The following PADI3 variants were observed in gnomAD, a reference collection of about 807,000 sequenced individuals.
PADI3 encodes the protein peptidyl arginine deiminase 3, also known as protein-arginine deiminase type-3.
A neutral mutation model predicts 71.5 loss-of-function variants in PADI3; 53 were observed. That is an observed-to-expected ratio of 0.74 (90% CI 0.59 to 0.93). The LOEUF (loss-of-function observed/expected upper bound fraction) is 0.93, where lower values mean the gene tolerates loss of function less well. Among genes scored for constraint, PADI3 ranks in the 40% least tolerant of loss-of-function variants. The pLI is 0.00. For missense variants in PADI3, 821 were observed against 868.0 expected (o/e 0.95, Z 0.68); for synonymous variants, 361 against 347.5 (o/e 1.04, Z -0.43).
chr1:17,271,836 C>CAAAAAAA lies in PADI3; in HGVS notation c.1047+671_1047+677dup, dbSNP rs71571852. ...TGCACTCCAGCCTCAGCAACAACAA[C>CAAAAAAA]AAAAAAAAAAAAAAAAAAAGAGAGA... is the stretch of plus-strand genomic sequence containing the variant. On this transcript the variant is annotated intron_variant, in intron 9 of 15. Coordinates refer to ENST00000375460, the MANE Select transcript of PADI3 (RefSeq NM_016233.2). Among the ~76,000 whole-genome samples, 580 of 79,324 alleles carry CAAAAAAA rather than the reference C, an allele frequency of 7.3e-3. 3 individuals are homozygous for CAAAAAAA. The highest frequency in any genetic ancestry group is 8.5e-3 in the African/African-American group (158 of 18,698). The allele number at this position is 79,324 out of a possible 152,430, so 52.0% of individuals were successfully genotyped here.
At chr1:17,269,896 G>A (rs1023581767) in intron 6 of PADI3, among the ~76,000 whole-genome samples, 2 of 152,168 alleles carry the variant, frequency 1.3e-5, no homozygotes, top group Non-Finnish European at 2.9e-5. Flanking sequence ...TGTGATTACA[G>A]ACATGAGCCA....
chr1:17,283,045 C>T lies in PADI3; in HGVS notation c.1961C>T (p.Pro654Leu), dbSNP rs2073420448. The change falls in exon 16 of 16, where the codon CCC becomes CTC. Residue 654 changes from proline (P) to leucine (L), a missense_variant. Physicochemically the swap from Pro to Leu is moderately conservative, Grantham distance 98. Coordinates refer to ENST00000375460, the MANE Select transcript of PADI3 (RefSeq NM_016233.2). ...TGTGGCACCAATGTGTGCAGAAAGC[C>T]CTTCTCTTTCAAGTGGTGGAACATG... ...VHCGTNVCRK[P>L]FSFKWWNMVP 6.2e-7 allele frequency: 1 copy of T among 1,614,184 alleles called. No individual in the cohort carries two copies. Among genetic ancestry groups the T allele is most frequent in the Non-Finnish European group, 8.5e-7 (1 of 1,180,008 alleles).
Position 17,266,665 on chromosome 1 carries a change from G to A in PADI3, c.409-54G>A, listed in dbSNP as rs1432153159. 8.2e-6 allele frequency: 12 copies of A among 1,469,796 alleles called. No individual in the cohort carries two copies. The East Asian group carries it at 1.6e-4, about 19-fold the overall frequency. The allele number at this position is 1,469,796 out of a possible 1,614,324, so 91.0% of individuals were successfully genotyped here. ...GGCCAGGCTCGGGTTCCTGGGTAGG[G>A]AGGCACAGGTCTCATCTGAGCCCTC... On this transcript the variant is annotated intron_variant, in intron 4 of 15. Coordinates refer to ENST00000375460, the MANE Select transcript of PADI3 (RefSeq NM_016233.2).
rs146837101 is a variant in PADI3, at chr1:17,278,828, T to G, written c.1556-1522T>G. 3.3e-3 allele frequency among the ~76,000 whole-genome samples: 508 copies of G among 152,242 alleles called. 3 individuals are homozygous for G. The highest frequency in any genetic ancestry group is 0.012 in the African/African-American group (486 of 41,536). The stretch of plus-strand genomic sequence containing the variant: ...AGCTCAGAGAGAAAAAAAGCTCCTG[T>G]AGAACTTAGACGCCCCCAAGTATAA... On this transcript the variant is annotated intron_variant, in intron 13 of 15. Coordinates refer to ENST00000375460, the MANE Select transcript of PADI3 (RefSeq NM_016233.2).
intron 5 of PADI3, among the ~76,000 whole-genome samples, chr1:17,267,486 G>A (rs2073185756): frequency 6.6e-6 from 1 of 152,078 alleles, no homozygotes; most frequent in African/African-American, 2.4e-5. Context: ...CAGAAGGGAG[G>A]GGCTTGTCCA....
intron 13 of PADI3, among the ~76,000 whole-genome samples, chr1:17,277,230 T>C (rs1459516544): frequency 6.6e-6 from 1 of 152,052 alleles, no homozygotes; most frequent in African/African-American, 2.4e-5. Context: ...GTTTCACTCT[T>C]GTTGCCCAGG....
intron 7 of PADI3, 85 bp from the exon 8 acceptor site, chr1:17,270,794 A>G (rs759993888): frequency 1.0e-4 from 100 of 978,574 alleles, no homozygotes; most frequent in Non-Finnish European, 1.5e-4. Context: ...GGGTTTTCTT[A>G]TGGACCACAG....
intron 3 of PADI3, among the ~76,000 whole-genome samples, chr1:17,265,274 G>T (rs552980970): frequency 6.6e-6 from 1 of 152,212 alleles, no homozygotes; most frequent in Admixed American, 6.5e-5. Flanking sequence ...CTGGGTTTGT[G>T]TTCACATCTG....
intron 6 of PADI3, among the ~76,000 whole-genome samples, chr1:17,268,498 CTTTTT>C (rs564947321): frequency 7.4e-4 from 66 of 89,376 alleles, no homozygotes; most frequent in East Asian, 5.1e-3. Flanking sequence ...TAATAAGATG[CTTTTT>C]TTTTTTTTTT....
chr1:17,279,952 C>T (rs1204092714), intron 13 of PADI3, among the ~76,000 whole-genome samples: 1 of 152,194 alleles, frequency 6.6e-6, no homozygotes, highest in Non-Finnish European at 1.5e-5. Flanking sequence ...TGGTTCGCTG[C>T]TCAGTGAACC....
chr1:17,269,864 C>T (rs558190696), intron 6 of PADI3, among the ~76,000 whole-genome samples: 25 of 152,118 alleles, frequency 1.6e-4, no homozygotes, highest in Non-Finnish European at 3.4e-4. Context: ...GGTGATCCAC[C>T]GCCTTCGGTC....
chr1:17,278,720 C>T (rs1348534569), intron 13 of PADI3, among the ~76,000 whole-genome samples: 1 of 151,960 alleles, frequency 6.6e-6, no homozygotes, highest in East Asian at 1.9e-4. Context: ...GGTCCCAGGG[C>T]AAAGACCCTT....
At chr1:17,256,014 A>G (rs1170439700) in intron 1 of PADI3, among the ~76,000 whole-genome samples, 3 of 152,104 alleles carry the variant, frequency 2.0e-5, no homozygotes, top group Non-Finnish European at 2.9e-5. Context: ...GATGAAATGA[A>G]AACAAGCTCA....
rs760682098 is a variant in PADI3 at position 17,270,962 on chromosome 1, C to T, written c.915C>T (p.Pro305=). ...TCATGACGCCCAGCACTCTGCCACC[C>T]CTAGAGGTGTATGTGTGCCGGTGAG... ...PWIMTPSTLP[P]LEVYVCRVRN... Residue 305 remains proline, a synonymous_variant, in exon 8 of 16, where the codon CCC becomes CCT. Coordinates refer to ENST00000375460, the MANE Select transcript of PADI3 (RefSeq NM_016233.2). 2 of 1,614,092 alleles carry T rather than the reference C, an allele frequency of 1.2e-6. No homozygotes were observed. Among genetic ancestry groups the T allele is most frequent in the Non-Finnish European group, 1.7e-6 (2 of 1,179,984 alleles).
At chr1:17,255,689 A>T (rs982236871) in intron 1 of PADI3, among the ~76,000 whole-genome samples, 1 of 152,222 alleles carries the variant, frequency 6.6e-6, no homozygotes, top group Non-Finnish European at 1.5e-5. Flanking sequence ...GGAAGTCAGC[A>T]GCCCTACCTT....
rs1178191985 is a variant in PADI3, at chr1:17,276,546, G to C, written c.1335G>C (p.Val445=). ...PGSSGRRVTQ[V]VRDFLHAQKV... is the part of the protein sequence containing the mutation. ...CAAGTGGCCGCAGGGTCACCCAGGT[G>C]GTGCGGGACTTCCTCCATGCCCAGA... The change falls in exon 12 of 16, where the codon GTG becomes GTC. Residue 445 remains valine, a synonymous_variant. Transcript: ENST00000375460. 4 of 1,614,146 alleles carry C rather than the reference G, an allele frequency of 2.5e-6. No homozygotes were observed. The South Asian group carries it at 4.4e-5, about 18-fold the overall frequency.
At chr1:17,265,568 C>CT in intron 3 of PADI3, 91 bp from the exon 4 acceptor site, 1 of 1,153,722 alleles carries the variant, frequency 8.7e-7, no homozygotes, top group South Asian at 1.2e-5. Context: ...AATGACTTGC[C>CT]TTTGCTCAGC....
At position 17,270,418 on chromosome 1, in the gene PADI3, A is replaced by T; in HGVS notation, c.831+7A>T. Reference sequence around the variant, plus strand: ...GCTGGACGACTCCAACGAGGTAGGGACAGAGGGGGTTCAAGAGGAGCTCCA... The same window carrying T: ...GCTGGACGACTCCAACGAGGTAGGGTCAGAGGGGGTTCAAGAGGAGCTCCA... On this transcript the variant is annotated splice_region_variant and intron_variant, in intron 7 of 15. Transcript: ENST00000375460. The T allele has an allele frequency of 6.2e-7, 1 of 1,609,232 alleles. No individual in the cohort carries two copies. Among genetic ancestry groups the T allele is most frequent in the African/African-American group, 1.3e-5 (1 of 74,590 alleles).
chr1:17,261,206 G>T (rs2073099068), intron 2 of PADI3, among the ~76,000 whole-genome samples: 1 of 152,174 alleles, frequency 6.6e-6, no homozygotes, highest in Non-Finnish European at 1.5e-5. Context: ...GGAGGGTCAT[G>T]CTTTAAAGGG....
Sources: allele counts gnomAD v4.1 joint callset (sites outside exome capture counted in the v4.1 genomes callset), GRCh38; gene constraint gnomAD v4.1.1; transcripts MANE v1.5; gene names NCBI Gene and HGNC (gene_info 2026-07-23, HGNC 2026-07-21).